Variants in BDNF observed in about 807,000 individuals in gnomAD.
BDNF encodes brain derived neurotrophic factor.
Under a neutral mutation model 19.5 loss-of-function variants are expected in BDNF, and 1 was observed. The ratio of observed to expected loss-of-function variants is 0.05; its 90% CI spans 0.02 to 0.24. BDNF has a LOEUF of 0.24. BDNF is among the 10% of genes least tolerant of loss of function. BDNF has a pLI of 1.00. For missense variants in BDNF, 195 were observed against 317.6 expected (o/e 0.61, Z 2.93); for synonymous variants, 100 against 121.6 (o/e 0.82, Z 1.17).
intron 1 of BDNF, among the ~76,000 whole-genome samples, chr11:27,689,175 G>A (rs1182631813): frequency 1.3e-5 from 2 of 152,182 alleles, no homozygotes; most frequent in Admixed American, 6.5e-5. Flanking sequence ...TCAAGGGCAA[G>A]ATATGGTTTC....
chr11:27,663,819 A>G (rs1284594663), intron 1 of BDNF, among the ~76,000 whole-genome samples: 1 of 152,178 alleles, frequency 6.6e-6, no homozygotes, highest in Non-Finnish European at 1.5e-5. Context: ...CTAACTTTCT[A>G]AAAGGAGTGC....
chr11:27,709,269 C>T (rs908943862), intron 1 of BDNF, among the ~76,000 whole-genome samples: 1 of 151,968 alleles, frequency 6.6e-6, no homozygotes, highest in Non-Finnish European at 1.5e-5. Flanking sequence ...GATAAAAGAA[C>T]CAAATGAAGT....
intron 1 of BDNF, among the ~76,000 whole-genome samples, chr11:27,664,439 G>A (rs1853982642): frequency 6.6e-6 from 1 of 152,050 alleles, no homozygotes; most frequent in Admixed American, 6.5e-5. Flanking sequence ...TTTATAAAGA[G>A]AAAGAAGTTA....
intron 1 of BDNF, among the ~76,000 whole-genome samples, chr11:27,714,905 C>T (rs1242996496): frequency 6.6e-6 from 1 of 152,070 alleles, no homozygotes; most frequent in Non-Finnish European, 1.5e-5. Flanking sequence ...TAAACTCAGG[C>T]TTTTAATCTT....
intron 1 of BDNF, among the ~76,000 whole-genome samples, chr11:27,694,305 T>G (rs1487243596): frequency 6.6e-6 from 1 of 152,200 alleles, no homozygotes; most frequent in East Asian, 1.9e-4. Context: ...ATGACTTTTA[T>G]AATAGGTACT....
upstream of BDNF, chr11:27,701,523 A>G (rs1859894617): frequency 2.0e-6 from 2 of 988,272 alleles, no homozygotes; most frequent in Non-Finnish European, 2.4e-6. Context: ...CTCGCACCCC[A>G]TCAGCGAGAA....
At chr11:27,704,557 T>C (rs1158615105), upstream of BDNF, among the ~76,000 whole-genome samples, 1 of 151,956 alleles carries the variant, frequency 6.6e-6, no homozygotes, top group Non-Finnish European at 1.5e-5. Flanking sequence ...AAAAAAAAAA[T>C]AAGTTGTCTA....
chr11:27,684,800 C>T (rs1442608362), intron 1 of BDNF, among the ~76,000 whole-genome samples: 1 of 152,098 alleles, frequency 6.6e-6, no homozygotes, highest in Admixed American at 6.6e-5. Context: ...ATTCAGTTTA[C>T]CAGTTTTTTA....
chr11:27,698,446 A>T (rs1223502118), intron 1 of BDNF, among the ~76,000 whole-genome samples: 1 of 152,198 alleles, frequency 6.6e-6, no homozygotes, highest in South Asian at 2.1e-4. Context: ...ATTATGTTGC[A>T]TGAGATAAGC....
At chr11:27,718,821 T>C (rs1189773500) in intron 1 of BDNF, among the ~76,000 whole-genome samples, 5 of 152,118 alleles carry the variant, frequency 3.3e-5, no homozygotes, top group Non-Finnish European at 7.4e-5. Context: ...TTTCGTTCGT[T>C]AAAACAGTGG....
intron 1 of BDNF, among the ~76,000 whole-genome samples, chr11:27,688,815 T>C (rs1350462576): frequency 6.6e-6 from 1 of 152,212 alleles, no homozygotes; most frequent in Non-Finnish European, 1.5e-5. Flanking sequence ...CCTTCTGCAT[T>C]GATCTCTCTG....
At chr11:27,669,252 T>G (rs547058736) in intron 1 of BDNF, among the ~76,000 whole-genome samples, 1 of 152,310 alleles carries the variant, frequency 6.6e-6, no homozygotes, top group East Asian at 1.9e-4. Flanking sequence ...TGATGGGACA[T>G]ATCTCAAAAT....
At chr11:27,683,221 C>T (rs1428919510) in intron 1 of BDNF, among the ~76,000 whole-genome samples, 1 of 152,190 alleles carries the variant, frequency 6.6e-6, no homozygotes, top group Non-Finnish European at 1.5e-5. Context: ...TGAGAAGCAT[C>T]TGTTCATACC....
intron 1 of BDNF, chr11:27,676,224 C>T (rs1388814448): frequency 2.0e-5 from 3 of 152,138 alleles, no homozygotes; most frequent in Non-Finnish European, 4.4e-5. Flanking sequence ...CAGGAATGAC[C>T]TCTTGTGTAG....
chr11:27,700,525 C>T, upstream of BDNF: 1 of 428,908 alleles, frequency 2.3e-6, no homozygotes, highest in South Asian at 1.1e-4. Context: ...GCGCCGCCCC[C>T]CCCCCCCCGC....
chr11:27,664,778 G>A (rs1426451253), intron 1 of BDNF, among the ~76,000 whole-genome samples: 1 of 152,064 alleles, frequency 6.6e-6, no homozygotes, highest in Non-Finnish European at 1.5e-5. Flanking sequence ...AGACACTATT[G>A]CCCTAGGAAA....
At chr11:27,699,775 C>T (rs1338084467) in intron 1 of BDNF, 1 of 1,142,914 alleles carries the variant, frequency 8.7e-7, no homozygotes, top group African/African-American at 1.6e-5. Flanking sequence ...TAGCCTAGCC[C>T]CAGCACCCTC....
intron 1 of BDNF, chr11:27,665,409 A>C (rs1361797875): frequency 6.6e-6 from 1 of 152,478 alleles, no homozygotes; most frequent in African/African-American, 2.4e-5. Flanking sequence ...GGTTCATCTC[A>C]CTGGGGCTTG....
intron 1 of BDNF, among the ~76,000 whole-genome samples, chr11:27,686,498 G>A (rs1164335588): frequency 2.0e-5 from 3 of 152,130 alleles, no homozygotes; most frequent in Non-Finnish European, 4.4e-5. Context: ...AGTTTCAATG[G>A]TCTTTACAAT....
Sources: allele counts gnomAD v4.1 joint callset (sites outside exome capture counted in the v4.1 genomes callset), GRCh38; gene constraint gnomAD v4.1.1; transcripts MANE v1.5; gene names NCBI Gene and HGNC (gene_info 2026-07-23, HGNC 2026-07-21).